The following TENM4 variants were observed in gnomAD, a reference collection of about 807,000 sequenced individuals.
TENM4 encodes teneurin transmembrane protein 4, also known as teneurin-4.
In TENM4, 82 loss-of-function variants were observed where a neutral mutation model predicts 243.3. The observed-to-expected ratio is 0.34, with a 90% CI of 0.28 to 0.40. TENM4 has a LOEUF of 0.40. Among genes scored for constraint, TENM4 ranks in the 10% least tolerant of loss-of-function variants. TENM4 has a pLI of 1.00. For synonymous variants in TENM4, 1,412 were observed against 1,456.3 expected (o/e 0.97, Z 0.69); for missense variants, 3,138 against 3,673.3 (o/e 0.85, Z 3.77).
chr11:79,015,731 AG>A (rs1420238603), intron 6 of TENM4, among the ~76,000 whole-genome samples: 5 of 152,210 alleles, frequency 3.3e-5, no homozygotes, highest in Non-Finnish European at 7.3e-5. Context: ...TGCATGAAAA[AG>A]ACATGGTTTC....
chr11:79,009,120 G>A (rs1418647851), intron 6 of TENM4, among the ~76,000 whole-genome samples: 2 of 152,104 alleles, frequency 1.3e-5, no homozygotes, highest in African/African-American at 2.4e-5. Flanking sequence ...TGCCATATTT[G>A]TTACAAAAAT....
At chr11:79,137,713 T>C (rs927494016) in intron 4 of TENM4, among the ~76,000 whole-genome samples, 3 of 152,218 alleles carry the variant, frequency 2.0e-5, no homozygotes, top group Non-Finnish European at 4.4e-5. Flanking sequence ...TCCTTTATCA[T>C]GTGACATAAG....
chr11:78,705,053 C>T (rs1044368515), intron 27 of TENM4, among the ~76,000 whole-genome samples: 3 of 152,240 alleles, frequency 2.0e-5, no homozygotes, highest in Non-Finnish European at 4.4e-5. Context: ...CCCTCGCTCT[C>T]TGGGCAGTGT....
intron 3 of TENM4, among the ~76,000 whole-genome samples, chr11:79,200,846 G>C (rs59605797): frequency 0.01 from 1,569 of 152,278 alleles, 23 homozygotes; most frequent in African/African-American, 0.036. Flanking sequence ...AAAACTTCTA[G>C]CTGGGGCATT....
At chr11:79,000,223 A>G (rs1055630609) in intron 6 of TENM4, among the ~76,000 whole-genome samples, 3 of 152,236 alleles carry the variant, frequency 2.0e-5, no homozygotes, top group Non-Finnish European at 4.4e-5. Context: ...TACTGCTAGG[A>G]GACCTGCCTC....
chr11:78,797,679 C>T (rs1248469372), intron 15 of TENM4, among the ~76,000 whole-genome samples: 1 of 152,224 alleles, frequency 6.6e-6, no homozygotes, highest in East Asian at 1.9e-4. Context: ...AACCGCCACA[C>T]TACCTCCCAG....
In TENM4 at chr11:78,803,704, G is replaced by A. The variant is rs530560879; in HGVS notation, c.2179+1588C>T. On this transcript the variant is annotated intron_variant, in intron 15 of 33. Transcript: ENST00000278550. ...TTAGTAATCTCATCCAAAGTTATAC[G>A]TACCTCCTCAGAGGCTGTGGGGTTT... Among the ~76,000 whole-genome samples the A allele has an allele frequency of 1.6e-4, 24 of 152,272 alleles. No homozygotes were observed. The East Asian group carries it at 3.3e-3, about 21-fold the overall frequency.
At chr11:79,182,882 T>A (rs1353120885) in intron 3 of TENM4, among the ~76,000 whole-genome samples, 1 of 152,200 alleles carries the variant, frequency 6.6e-6, no homozygotes, top group East Asian at 1.9e-4. Context: ...CCTATTAGAA[T>A]GGCAAAAATC....
chr11:78,707,041 C>T (rs1191154952), intron 27 of TENM4, among the ~76,000 whole-genome samples: 2 of 152,130 alleles, frequency 1.3e-5, no homozygotes, highest in South Asian at 4.1e-4. Flanking sequence ...GCAGCATCCA[C>T]AAGGCTCTGT....
At chr11:79,044,081 G>A (rs1859600919) in intron 6 of TENM4, among the ~76,000 whole-genome samples, 1 of 152,182 alleles carries the variant, frequency 6.6e-6, no homozygotes. Context: ...ACCAAAGGCT[G>A]CTAATTCTAA....
At chr11:79,178,045 G>A (rs1863201852) in intron 3 of TENM4, among the ~76,000 whole-genome samples, 1 of 152,094 alleles carries the variant, frequency 6.6e-6, no homozygotes. Flanking sequence ...AGGGTGTGAA[G>A]GTGAAAGGAA....
At chr11:79,402,104 G>T in intron 1 of TENM4, 1 of 388,898 alleles carries the variant, frequency 2.6e-6, no homozygotes, top group Non-Finnish European at 5.8e-6. Context: ...CTCCTTGAGG[G>T]CAGTTACCAT....
At chr11:79,403,794 C>G (rs1445392859) in intron 1 of TENM4, among the ~76,000 whole-genome samples, 2 of 152,082 alleles carry the variant, frequency 1.3e-5, no homozygotes, top group African/African-American at 4.8e-5. Flanking sequence ...AGCTATGAGG[C>G]CAAAAAATCC....
intron 1 of TENM4, among the ~76,000 whole-genome samples, chr11:79,384,057 CCAAATAGCCAGCCAGA>C (rs1858059787): frequency 6.6e-6 from 1 of 152,080 alleles, no homozygotes; most frequent in East Asian, 1.9e-4. Flanking sequence ...AGCCAGCCAG[CCAAATAGCCAGCCAGA>C]CAGACAGGCA....
intron 3 of TENM4, among the ~76,000 whole-genome samples, chr11:79,157,577 C>G (rs147196870): frequency 1.3e-5 from 2 of 152,158 alleles, no homozygotes; most frequent in South Asian, 4.1e-4. Context: ...AGGCAGTTTT[C>G]AGAGCTACAG....
intron 9 of TENM4, among the ~76,000 whole-genome samples, chr11:78,879,440 G>A (rs1859366798): frequency 2.0e-5 from 3 of 150,232 alleles, no homozygotes; most frequent in Non-Finnish European, 3.0e-5. Flanking sequence ...CGTCTGGGAG[G>A]TGGGGAGTGC....
intron 12 of TENM4, among the ~76,000 whole-genome samples, chr11:78,841,174 T>C (rs1438480953): frequency 6.6e-6 from 1 of 152,174 alleles, no homozygotes; most frequent in Non-Finnish European, 1.5e-5. Flanking sequence ...GTACTAATAT[T>C]ATTGTCATTT....
chr11:78,862,698 T>G (rs1476043398), intron 10 of TENM4, among the ~76,000 whole-genome samples: 1 of 152,192 alleles, frequency 6.6e-6, no homozygotes, highest in South Asian at 2.1e-4. Flanking sequence ...AAGCCCCTAA[T>G]GCTTCCCTCA....
chr11:79,148,099 T>C (rs911740025), intron 4 of TENM4, among the ~76,000 whole-genome samples: 1 of 152,158 alleles, frequency 6.6e-6, no homozygotes, highest in Non-Finnish European at 1.5e-5. Flanking sequence ...CCTGCTTTGA[T>C]TCTCATCCAT....
Sources: allele counts gnomAD v4.1 joint callset (sites outside exome capture counted in the v4.1 genomes callset), GRCh38; gene constraint gnomAD v4.1.1; transcripts MANE v1.5; gene names NCBI Gene and HGNC (gene_info 2026-07-23, HGNC 2026-07-21).